The following SLF1 variants were observed in gnomAD, a reference collection of about 807,000 sequenced individuals.
SLF1 encodes the protein SMC5/6 complex localization factor 1.
Under a neutral mutation model 123.0 loss-of-function variants are expected in SLF1, and 105 were observed. The observed-to-expected ratio is 0.85, with a 90% CI of 0.73 to 1.00. The LOEUF is 1.00. Ranked by LOEUF, SLF1 falls within the 50% of genes least tolerant of loss-of-function variation. The pLI is 0.00. For synonymous variants in SLF1, 434 were observed against 406.6 expected (o/e 1.07, Z -0.81); for missense variants, 1,239 against 1,223.0 (o/e 1.01, Z -0.20).
At chr5:94,635,760 C>T (rs958976543) in intron 4 of SLF1, among the ~76,000 whole-genome samples, 7 of 152,110 alleles carry the variant, frequency 4.6e-5, no homozygotes, top group Non-Finnish European at 7.4e-5. Context: ...TTTGTATCCC[C>T]TGACAATTGT....
chr5:94,681,732 G>A (rs1751802217), intron 15 of SLF1, among the ~76,000 whole-genome samples: 1 of 149,140 alleles, frequency 6.7e-6, no homozygotes, highest in African/African-American at 2.5e-5. Flanking sequence ...CCACCTATGA[G>A]TGAGAATATG....
intron 12 of SLF1, among the ~76,000 whole-genome samples, chr5:94,666,412 A>AT (rs2152488213): frequency 6.6e-6 from 1 of 152,292 alleles, no homozygotes; most frequent in Non-Finnish European, 1.5e-5. Flanking sequence ...GGCTTCAGTT[A>AT]TATTTTTTTC....
In SLF1 at chr5:94,651,699, C is replaced by G; in HGVS notation, c.739-3C>G. ...TAACTAAATTATGTTTACAAACACG[C>G]AGAAAGAAATGCAAAATCATGAAGA... is the stretch of plus-strand genomic sequence containing the variant. On this transcript the variant is annotated splice_polypyrimidine_tract_variant and splice_region_variant and intron_variant, in intron 6 of 20. Coordinates refer to ENST00000265140, the MANE Select transcript of SLF1 (RefSeq NM_032290.4). The G allele has an allele frequency of 6.6e-7, 1 of 1,515,072 alleles. No homozygotes were observed. The highest frequency in any genetic ancestry group is 8.8e-7 in the Non-Finnish European group (1 of 1,132,242). The allele number at this position is 1,515,072 out of a possible 1,614,324, so 93.9% of individuals were successfully genotyped here.
chr5:94,673,057 T>C (rs537816521), intron 14 of SLF1, among the ~76,000 whole-genome samples: 4 of 152,298 alleles, frequency 2.6e-5, no homozygotes, highest in Admixed American at 6.5e-5. Context: ...GGGCTACATA[T>C]ACATTTAGTT....
At chr5:94,671,746 T>A (rs1750485343) in intron 14 of SLF1, among the ~76,000 whole-genome samples, 1 of 151,758 alleles carries the variant, frequency 6.6e-6, no homozygotes, top group African/African-American at 2.4e-5. Flanking sequence ...AATTACCTGT[T>A]GAGTACAACT....
intron 15 of SLF1, 67 bp from the exon 16 acceptor site, chr5:94,686,506 A>G (rs1414537769): frequency 2.0e-6 from 3 of 1,535,166 alleles, no homozygotes; most frequent in African/African-American, 1.4e-5. Flanking sequence ...TCACTAAGGA[A>G]ATAGCCTATG....
chr5:94,621,479 C>G (rs896059741), intron 1 of SLF1, among the ~76,000 whole-genome samples: 1 of 152,182 alleles, frequency 6.6e-6, no homozygotes, highest in African/African-American at 2.4e-5. Flanking sequence ...GCTTGTTCAA[C>G]CTTAGACGTA....
At chr5:94,675,734 T>C (rs1173203124) in intron 14 of SLF1, among the ~76,000 whole-genome samples, 1 of 152,130 alleles carries the variant, frequency 6.6e-6, no homozygotes, top group East Asian at 1.9e-4. Flanking sequence ...TTTTTTATCA[T>C]AGTAAAAAAG....
chr5:94,623,678 A>G (rs1452990824), intron 1 of SLF1, among the ~76,000 whole-genome samples: 1 of 152,088 alleles, frequency 6.6e-6, no homozygotes, highest in Non-Finnish European at 1.5e-5. Flanking sequence ...TCCCTACCTC[A>G]GACATATCAC....
chr5:94,661,106 T>C (rs1749046895), intron 9 of SLF1, among the ~76,000 whole-genome samples: 1 of 152,156 alleles, frequency 6.6e-6, no homozygotes, highest in Non-Finnish European at 1.5e-5. Context: ...CTGCAGCCTC[T>C]TGGGTGCCAG....
At chr5:94,638,527 C>G (rs1480655661) in intron 4 of SLF1, among the ~76,000 whole-genome samples, 1 of 152,172 alleles carries the variant, frequency 6.6e-6, no homozygotes, top group Non-Finnish European at 1.5e-5. Context: ...GTGCCATTAC[C>G]CCTTGTCCTC....
intron 10 of SLF1, 28 bp downstream of exon 10, chr5:94,662,379 T>G (rs763993603): frequency 6.6e-7 from 1 of 1,514,380 alleles, no homozygotes. Context: ...GCATTGGTGA[T>G]GGGGGCAAAG....
intron 14 of SLF1, among the ~76,000 whole-genome samples, chr5:94,674,823 A>G (rs916960704): frequency 1.3e-5 from 2 of 152,198 alleles, no homozygotes; most frequent in South Asian, 2.1e-4. Flanking sequence ...AGGAGGTACA[A>G]TTTTTACTAG....
At chr5:94,648,867 G>A (rs559636905) in intron 5 of SLF1, among the ~76,000 whole-genome samples, 3 of 152,266 alleles carry the variant, frequency 2.0e-5, no homozygotes, top group South Asian at 4.1e-4. Context: ...AGAATTATAT[G>A]TATAAGTATG....
intron 4 of SLF1, among the ~76,000 whole-genome samples, chr5:94,640,654 A>G (rs1183396769): frequency 6.6e-6 from 1 of 152,004 alleles, no homozygotes; most frequent in Non-Finnish European, 1.5e-5. Context: ...TAGCTATTGC[A>G]TGCTTTGTTC....
intron 1 of SLF1, among the ~76,000 whole-genome samples, chr5:94,619,521 ACTTCATATC>A (rs1400331061): frequency 2.6e-5 from 4 of 152,222 alleles, no homozygotes; most frequent in African/African-American, 9.6e-5. Context: ...CGTCTCGGGT[ACTTCATATC>A]ATTATTTGAC....
intron 14 of SLF1, among the ~76,000 whole-genome samples, chr5:94,677,605 T>C (rs1472194101): frequency 6.6e-6 from 1 of 152,220 alleles, no homozygotes; most frequent in Non-Finnish European, 1.5e-5. Context: ...TGTTTTCATA[T>C]GCCTTTTACC....
intron 12 of SLF1, among the ~76,000 whole-genome samples, chr5:94,667,310 T>C (rs1749888214): frequency 6.6e-6 from 1 of 152,222 alleles, no homozygotes. Flanking sequence ...AGCATAGGTA[T>C]ATGATGTGAG....
chr5:94,680,979 G>C (rs557911577), intron 15 of SLF1, among the ~76,000 whole-genome samples: 1 of 152,284 alleles, frequency 6.6e-6, no homozygotes, highest in South Asian at 2.1e-4. Context: ...CTTTCGATGA[G>C]ACTTAAATTG....
Sources: allele counts gnomAD v4.1 joint callset (sites outside exome capture counted in the v4.1 genomes callset), GRCh38; gene constraint gnomAD v4.1.1; transcripts MANE v1.5; gene names NCBI Gene and HGNC (gene_info 2026-07-23, HGNC 2026-07-21).